Variants in ETV1 observed in about 807,000 individuals in gnomAD.
ETV1 encodes the protein ETS translocation variant 1.
In ETV1, 27 loss-of-function variants were observed where a neutral mutation model predicts 62.3. That is an observed-to-expected ratio of 0.43 (90% CI 0.32 to 0.60). The LOEUF is 0.60. Ranked by LOEUF, ETV1 falls within the 20% of genes least tolerant of loss-of-function variation. The probability of loss-of-function intolerance (pLI) is 0.06; values close to 1 mark genes in which losing one functional copy is unlikely to be tolerated. For missense variants in ETV1, 605 were observed against 605.8 expected (o/e 1.00, Z 0.01); for synonymous variants, 222 against 199.6 (o/e 1.11, Z -0.94).
At chr7:13,905,695 T>C (rs909553457) in intron 12 of ETV1, among the ~76,000 whole-genome samples, 2 of 152,176 alleles carry the variant, frequency 1.3e-5, no homozygotes. Context: ...GTGTCCTCCA[T>C]TTCTCTGTAC....
chr7:13,913,917 C>A (rs1198476376), intron 9 of ETV1, among the ~76,000 whole-genome samples: 5 of 125,898 alleles, frequency 4.0e-5, no homozygotes, highest in Non-Finnish European at 6.3e-5. Context: ...CAGAGTCTCG[C>A]TCTGTCGCCC....
intron 9 of ETV1, among the ~76,000 whole-genome samples, chr7:13,925,957 T>A (rs1454351492): frequency 1.3e-5 from 2 of 152,160 alleles, no homozygotes; most frequent in East Asian, 3.9e-4. Context: ...ATACAAAATA[T>A]CACCTATAAT....
At chr7:13,936,407 T>G (rs186322863) in intron 7 of ETV1, among the ~76,000 whole-genome samples, 134 of 152,342 alleles carry the variant, frequency 8.8e-4, no homozygotes, top group African/African-American at 3.2e-3. Flanking sequence ...TATTTTCATT[T>G]TATTATATTA....
At chr7:13,957,944 C>T (rs762826658) in intron 6 of ETV1, among the ~76,000 whole-genome samples, 4 of 152,206 alleles carry the variant, frequency 2.6e-5, no homozygotes, top group Non-Finnish European at 5.9e-5. Context: ...TTCTCCTCCT[C>T]ACCCCTTTGA....
In ETV1 at chr7:13,916,569, C is replaced by T. The variant is rs543063783; in HGVS notation, c.803-5262G>A. 2.3e-4 allele frequency among the ~76,000 whole-genome samples: 35 copies of T among 152,046 alleles called. 1 individual carries two copies. The South Asian group carries it at 6.4e-3, about 28-fold the overall frequency. On this transcript the variant is annotated intron_variant, in intron 9 of 13. Coordinates refer to ENST00000430479, the MANE Select transcript of ETV1 (RefSeq NM_004956.5). ...AGGAGAATCGCTTGAACCCAGGAGC[C>T]GGAGGTTTCAGTAAGCCGAGATCGC...
At position 13,986,094 on chromosome 7, in the gene ETV1, T is replaced by A. The variant is rs79914975; in HGVS notation, c.181+544A>T. 6,084 of 1,534,406 alleles carry A rather than the reference T, an allele frequency of 4.0e-3. 213 individuals are homozygous for A. In the African/African-American group the frequency reaches 0.075, roughly 19 times the overall value. On this transcript the variant is annotated intron_variant, in intron 5 of 13. Coordinates refer to ENST00000430479, the MANE Select transcript of ETV1 (RefSeq NM_004956.5). ...TCCCATTTATTTTAAACCCATAGATTTCCTAAGCATTAGATACACACCTAA... is the reference window on the plus strand; with the variant it reads ...TCCCATTTATTTTAAACCCATAGATATCCTAAGCATTAGATACACACCTAA...
chr7:13,892,035 A>G lies in ETV1; in HGVS notation c.*3831T>C, dbSNP rs796369614. The G allele has an allele frequency of 1.6e-4, 38 of 232,000 alleles. No individual in the cohort carries two copies. The highest frequency in any genetic ancestry group is 7.7e-4 in the African/African-American group (35 of 45,422). The allele number at this position is 232,000 out of a possible 1,614,324, so 14.4% of individuals were successfully genotyped here. A position where few individuals can be genotyped will look rare whatever the true frequency, so the allele number is the denominator to read the frequency against. ...GCAAAATTCTGTAGCTTCTGGCAAT[A>G]TATTTCTTTCCTGGTTATATAAAGA... On this transcript the variant is annotated 3_prime_UTR_variant, in exon 14 of 14. Coordinates refer to ENST00000430479, the MANE Select transcript of ETV1 (RefSeq NM_004956.5).
At chr7:13,971,998 G>C (rs1160041717) in intron 6 of ETV1, among the ~76,000 whole-genome samples, 2 of 152,052 alleles carry the variant, frequency 1.3e-5, no homozygotes, top group East Asian at 3.9e-4. Context: ...TGTAATCCCA[G>C]CTACCTAGGA....
rs1325965121 is a variant in ETV1, at chr7:13,988,266, A to C, written c.46-93T>G. 4 of 753,220 alleles carry C rather than the reference A, an allele frequency of 5.3e-6. No individual in the cohort carries two copies. The African/African-American group carries it at 6.9e-5, about 13-fold the overall frequency. 46.7% of individuals were successfully genotyped at this position (753,220 alleles called of 1,614,324 possible). On this transcript the variant is annotated intron_variant, in intron 3 of 13. Transcript: ENST00000430479. The stretch of plus-strand genomic sequence containing the variant: ...CGCACACACACACACACAGACATGC[A>C]TACATAAGTCTAATGGATCTTCTCT...
intron 9 of ETV1, among the ~76,000 whole-genome samples, chr7:13,919,888 C>CAG (rs1784632106): frequency 6.6e-6 from 1 of 151,870 alleles, no homozygotes; most frequent in Non-Finnish European, 1.5e-5. Flanking sequence ...AAGACACACA[C>CAG]ACAGAGAGAG....
intron 6 of ETV1, among the ~76,000 whole-genome samples, chr7:13,963,034 G>T (rs993962025): frequency 2.0e-5 from 3 of 152,014 alleles, no homozygotes; most frequent in African/African-American, 7.2e-5. Context: ...TTTTGGTTCT[G>T]CCATTCAACA....
intron 6 of ETV1, among the ~76,000 whole-genome samples, chr7:13,954,020 T>C (rs550056144): frequency 2.0e-5 from 3 of 152,280 alleles, no homozygotes; most frequent in Admixed American, 1.3e-4. Context: ...CAATGCGCCA[T>C]AGTAACATAC....
At chr7:13,924,224 A>C (rs960390837) in intron 9 of ETV1, among the ~76,000 whole-genome samples, 1 of 152,140 alleles carries the variant, frequency 6.6e-6, no homozygotes, top group Admixed American at 6.5e-5. Flanking sequence ...CCACTGAGCC[A>C]TCAAGGGCAT....
intron 9 of ETV1, among the ~76,000 whole-genome samples, chr7:13,917,333 T>TA (rs1784292738): frequency 6.7e-6 from 1 of 148,562 alleles, no homozygotes; most frequent in Non-Finnish European, 1.5e-5. Flanking sequence ...TTTATTTATT[T>TA]TGAGACGGAG....
At chr7:13,939,021 G>T (rs1290143343) in intron 7 of ETV1, 96 bp downstream of exon 7, 2 of 1,234,028 alleles carry the variant, frequency 1.6e-6, no homozygotes, top group African/African-American at 3.1e-5. Flanking sequence ...TATTAAAGAC[G>T]TTACTCATAA....
At chr7:13,958,476 G>A (rs949317265) in intron 6 of ETV1, among the ~76,000 whole-genome samples, 1 of 152,140 alleles carries the variant, frequency 6.6e-6, no homozygotes, top group Non-Finnish European at 1.5e-5. Flanking sequence ...TCATCACTGG[G>A]TAAATCATAC....
rs889432960 is a variant in ETV1, at chr7:13,914,498, A to G, written c.803-3191T>C. Among the ~76,000 whole-genome samples, 3 of 152,160 alleles carry G rather than the reference A, an allele frequency of 2.0e-5. No homozygotes were observed. The East Asian group carries it at 5.8e-4, about 29-fold the overall frequency. ...CTGTTGTCATTTTAATGCACTAATC[A>G]ATGTAGCGGAAGTTAAGAAGAATAA... On this transcript the variant is annotated intron_variant, in intron 9 of 13. Transcript: ENST00000430479.
At position 13,891,672 on chromosome 7, in the gene ETV1, G is replaced by T. The variant is rs1401378314; in HGVS notation, c.*4194C>A. 4.3e-6 allele frequency: 1 copy of T among 231,692 alleles called. No individual in the cohort carries two copies. The highest frequency in any genetic ancestry group is 6.1e-5 in the East Asian group (1 of 16,282). 14.4% of individuals were successfully genotyped at this position (231,692 alleles called of 1,614,324 possible). On this transcript the variant is annotated 3_prime_UTR_variant, in exon 14 of 14. Transcript: ENST00000430479. ...TGAATAAACTGGGTGAAATTTTCTAGTATCATGCCCAACTATTACCATCTT... is the reference window on the plus strand; with the variant it reads ...TGAATAAACTGGGTGAAATTTTCTATTATCATGCCCAACTATTACCATCTT...
chr7:13,938,637 T>C (rs1787092971), intron 7 of ETV1, among the ~76,000 whole-genome samples: 1 of 152,224 alleles, frequency 6.6e-6, no homozygotes, highest in Non-Finnish European at 1.5e-5. Flanking sequence ...ACAACCAGCT[T>C]TTTAATAGAT....
Sources: allele counts gnomAD v4.1 joint callset (sites outside exome capture counted in the v4.1 genomes callset), GRCh38; gene constraint gnomAD v4.1.1; transcripts MANE v1.5; gene names NCBI Gene and HGNC (gene_info 2026-07-23, HGNC 2026-07-21).